Variants in KLHL29 observed in about 807,000 individuals in gnomAD.
KLHL29 encodes the protein kelch-like protein 29.
KLHL29 carries 21 observed loss-of-function variants against 80.4 expected under a neutral mutation model. The ratio of observed to expected loss-of-function variants is 0.26; its 90% CI spans 0.19 to 0.38. KLHL29 has a LOEUF of 0.38. KLHL29 is among the 10% of genes least tolerant of loss of function. The probability of loss-of-function intolerance (pLI) is 1.00; values close to 1 mark genes in which losing one functional copy is unlikely to be tolerated. For synonymous variants in KLHL29, 511 were observed against 526.8 expected, an observed-to-expected ratio of 0.97 and a Z score of 0.41; for missense variants, 867 against 1,223.9, an observed-to-expected ratio of 0.71 and a Z score of 4.35.
At chr2:23,698,607 T>C (rs987730377) in intron 11 of KLHL29, among the ~76,000 whole-genome samples, 1 of 152,156 alleles carries the variant, frequency 6.6e-6, no homozygotes, top group Non-Finnish European at 1.5e-5. Context: ...TAGAGCAAGA[T>C]TATATAATTA....
chr2:23,604,081 G>C (rs1163670213), intron 3 of KLHL29, among the ~76,000 whole-genome samples: 1 of 152,240 alleles, frequency 6.6e-6, no homozygotes, highest in African/African-American at 2.4e-5. Context: ...TTGCTATCCA[G>C]TGTGAAGCAT....
intron 2 of KLHL29, among the ~76,000 whole-genome samples, chr2:23,482,969 G>A (rs1377075536): frequency 6.6e-6 from 1 of 152,114 alleles, no homozygotes; most frequent in East Asian, 1.9e-4. Flanking sequence ...AGTCCGGTGG[G>A]GCAGCCAGTA....
At chr2:23,618,735 C>T (rs1031344668) in intron 3 of KLHL29, among the ~76,000 whole-genome samples, 2 of 152,110 alleles carry the variant, frequency 1.3e-5, no homozygotes, top group East Asian at 1.9e-4. Context: ...CTATTAGTTC[C>T]GTTTCTCTGG....
chr2:23,454,953 AG>A (rs1664002289), intron 1 of KLHL29, among the ~76,000 whole-genome samples: 1 of 137,422 alleles, frequency 7.3e-6, no homozygotes, highest in South Asian at 2.6e-4. Context: ...AAGAGGGCTA[AG>A]GGCTGTCAGC....
intron 3 of KLHL29, among the ~76,000 whole-genome samples, chr2:23,597,404 TATA>T (rs1185814841): frequency 8.8e-4 from 34 of 38,832 alleles, no homozygotes; most frequent in East Asian, 1.5e-3. Context: ...TATATATATA[TATA>T]TTTTTTTTTT....
rs557103143 is a variant in KLHL29, at chr2:23,661,992, T to G, written c.940+19142T>G. On this transcript the variant is annotated intron_variant, in intron 5 of 13. Transcript: ENST00000486442. ...CATGGTAGATGCTCAGTAAACACTT[T>G]TTGAGTGTATGAGTGAATGAATAGC... 2.0e-5 allele frequency among the ~76,000 whole-genome samples: 3 copies of G among 152,240 alleles called. No individual in the cohort carries two copies. The South Asian group carries it at 6.2e-4, about 32-fold the overall frequency.
Position 23,572,351 on chromosome 2 carries a change from C to T in KLHL29, c.285+9870C>T, listed in dbSNP as rs148254258. Among the ~76,000 whole-genome samples, 208 of 152,338 alleles carry T rather than the reference C, an allele frequency of 1.4e-3. 5 individuals carry two copies. The East Asian group carries it at 0.036, about 26-fold the overall frequency. On this transcript the variant is annotated intron_variant, in intron 3 of 13. Transcript: ENST00000486442. ...CTACAACTGAGAGCCTAAAGGTTAC[C>T]ACCCCCTGTGATGGGAAAACATTTT... is the stretch of plus-strand genomic sequence containing the variant.
chr2:23,705,948 G>A (rs970325613), intron 13 of KLHL29, among the ~76,000 whole-genome samples: 2 of 152,178 alleles, frequency 1.3e-5, no homozygotes, highest in East Asian at 1.9e-4. Context: ...CACAGCCATC[G>A]GTCACCCTGC....
chr2:23,399,033 T>C (rs1455592582), intron 1 of KLHL29, among the ~76,000 whole-genome samples: 1 of 152,196 alleles, frequency 6.6e-6, no homozygotes. Context: ...GGCATGAAGA[T>C]TATGGAGGCC....
At chr2:23,607,758 A>T (rs574751161) in intron 3 of KLHL29, among the ~76,000 whole-genome samples, 1 of 152,294 alleles carries the variant, frequency 6.6e-6, no homozygotes, top group East Asian at 1.9e-4. Context: ...CATGCTCCTT[A>T]TGAGAATCTA....
chr2:23,434,179 G>A (rs7569429), intron 1 of KLHL29, among the ~76,000 whole-genome samples: 67,349 of 151,686 alleles, frequency 0.44, 15,700 homozygotes, highest in African/African-American at 0.6. Context: ...AAATTAGCCG[G>A]GCGTGTTGGC....
At chr2:23,523,377 A>G (rs1438008953) in intron 2 of KLHL29, among the ~76,000 whole-genome samples, 3 of 152,242 alleles carry the variant, frequency 2.0e-5, no homozygotes, top group Non-Finnish European at 4.4e-5. Context: ...CAGTGCTGAT[A>G]AGGAAAACCA....
rs1671912326 is a variant in KLHL29 at position 23,695,748 on chromosome 2, C to T, written c.1668C>T (p.Ala556=). 3 of 1,551,392 alleles carry T rather than the reference C, an allele frequency of 1.9e-6. No homozygotes were observed. The change falls in exon 9 of 14, where the codon GCC becomes GCT. Residue 556 remains alanine, a synonymous_variant. Transcript: ENST00000486442. The surrounding 1 kb of genome is among the most constrained non-coding windows in gnomAD (Gnocchi z 7.6). ...CCTGCCGGGACCTGGTGAACGAGGC[C>T]AAACGCTACCATATGCTGCCCCACG... ...SEACRDLVNE[A]KRYHMLPHAR... is the part of the protein sequence containing the mutation.
rs370141716 is a variant in KLHL29 at position 23,681,458 on chromosome 2, A to G, written c.941-2941A>G. 6.6e-6 allele frequency among the ~76,000 whole-genome samples: 1 copy of G among 152,100 alleles called. No homozygotes were observed. ...AGATAGAATCATTGCCGGGACCTCGATTTGAAAGGAAGGTCTTCAGAAACC... is the reference window on the plus strand; with the variant it reads ...AGATAGAATCATTGCCGGGACCTCGGTTTGAAAGGAAGGTCTTCAGAAACC... On this transcript the variant is annotated intron_variant, in intron 5 of 13. Coordinates refer to ENST00000486442, the MANE Select transcript of KLHL29 (RefSeq NM_052920.2). This position sits in a 1 kb window ranked among gnomAD's most constrained non-coding sequence, Gnocchi z 4.2.
intron 1 of KLHL29, among the ~76,000 whole-genome samples, chr2:23,459,957 A>T (rs1664165624): frequency 6.6e-6 from 1 of 152,202 alleles, no homozygotes; most frequent in Non-Finnish European, 1.5e-5. Flanking sequence ...TTCACCATGA[A>T]GCAGAGGAGC....
chr2:23,403,724 A>AGTGTGT (rs1351270818), intron 1 of KLHL29, among the ~76,000 whole-genome samples: 30 of 140,300 alleles, frequency 2.1e-4, no homozygotes, highest in Non-Finnish European at 2.7e-4. Flanking sequence ...AGAGAGAGAG[A>AGTGTGT]GAGTGTGTGT....
intron 5 of KLHL29, among the ~76,000 whole-genome samples, chr2:23,653,771 C>T (rs572163871): frequency 6.6e-6 from 1 of 152,322 alleles, no homozygotes; most frequent in South Asian, 2.1e-4. Context: ...TTGGCAAACT[C>T]TCCTGGGCAG....
chr2:23,435,314 G>A (rs1258295964), intron 1 of KLHL29, among the ~76,000 whole-genome samples: 1 of 152,146 alleles, frequency 6.6e-6, no homozygotes, highest in Non-Finnish European at 1.5e-5. Flanking sequence ...AGCCGTCTGG[G>A]GACTTCTGTG....
At chr2:23,656,629 G>A (rs183224266) in intron 5 of KLHL29, among the ~76,000 whole-genome samples, 4 of 152,356 alleles carry the variant, frequency 2.6e-5, no homozygotes, top group Admixed American at 2.6e-4. Context: ...CTTCCAGACT[G>A]CACAGGTGTC....
Sources: gnomAD v4.1 joint callset for allele counts (sites outside exome capture counted in the v4.1 genomes callset) on GRCh38, gnomAD v4.1.1 for gene constraint, Gnocchi (gnomAD v3.1) non-coding constraint, MANE v1.5 for transcripts, NCBI Gene and HGNC (gene_info 2026-07-23, HGNC 2026-07-21) for gene names.